The following JPT2 variants were observed in gnomAD, a reference collection of about 807,000 sequenced individuals.
JPT2 encodes the protein CRAMP_1 like.
JPT2 carries 9 observed loss-of-function variants against 15.9 expected under a neutral mutation model. The ratio of observed to expected loss-of-function variants is 0.57; its 90% CI spans 0.34 to 0.99. JPT2 has a LOEUF of 0.99. Among genes scored for constraint, JPT2 ranks in the 50% least tolerant of loss-of-function variants. The pLI is 0.02. For missense variants in JPT2, 267 were observed against 252.1 expected (o/e 1.06, Z -0.40); for synonymous variants, 95 against 91.7 (o/e 1.04, Z -0.21).
intron 1 of JPT2, among the ~76,000 whole-genome samples, chr16:1,683,957 T>C (rs1241935744): frequency 6.6e-6 from 1 of 152,198 alleles, no homozygotes; most frequent in Non-Finnish European, 1.5e-5. Flanking sequence ...GTCCTTGATA[T>C]AAAGTGGTGT....
chr16:1,691,745 G>C (rs1217793035), intron 2 of JPT2, 98 bp from the exon 3 acceptor site: 1 of 1,410,588 alleles, frequency 7.1e-7, no homozygotes, highest in African/African-American at 1.6e-5. Context: ...GGCACTCGGG[G>C]TTCCTATGAG....
intron 3 of JPT2, 103 bp from the exon 4 acceptor site, chr16:1,697,709 T>G: frequency 9.3e-7 from 1 of 1,077,736 alleles, no homozygotes; most frequent in Non-Finnish European, 1.4e-6. Context: ...ATACAAGCAT[T>G]TTTGTAAATT....
intron 1 of JPT2, chr16:1,680,427 T>C (rs1361178354): frequency 2.0e-5 from 24 of 1,195,108 alleles, no homozygotes; most frequent in Non-Finnish European, 2.5e-5. Flanking sequence ...CTGGACAAGG[T>C]GTTGAGAAAG....
At chr16:1,697,752 A>G (rs1281803293) in intron 3 of JPT2, 60 bp from the exon 4 acceptor site, 2 of 1,523,472 alleles carry the variant, frequency 1.3e-6, no homozygotes, top group African/African-American at 1.4e-5. Context: ...TTCATTGTCC[A>G]TTTGAATGAG....
chr16:1,688,197 C>T (rs2037081326), intron 2 of JPT2, among the ~76,000 whole-genome samples: 1 of 152,208 alleles, frequency 6.6e-6, no homozygotes, highest in African/African-American at 2.4e-5. Flanking sequence ...GCTCCTTTCA[C>T]AGAGGAGGAA....
chr16:1,685,734 G>A, intron 2 of JPT2, 147 bp downstream of exon 2: 2 of 844,384 alleles, frequency 2.4e-6, no homozygotes, highest in Non-Finnish European at 3.5e-6. Context: ...AAAACGTTCT[G>A]ATTTGTACTT....
chr16:1,694,001 C>T (rs1428002335), intron 3 of JPT2, among the ~76,000 whole-genome samples: 9 of 152,012 alleles, frequency 5.9e-5, no homozygotes, highest in East Asian at 1.9e-4. Flanking sequence ...GCTGGAGGAC[C>T]GGCTCGTCAC....
chr16:1,695,500 T>C (rs921879002), intron 3 of JPT2, among the ~76,000 whole-genome samples: 3 of 151,224 alleles, frequency 2.0e-5, no homozygotes, highest in Non-Finnish European at 4.4e-5. Flanking sequence ...TGAGCCCAGT[T>C]GTTCAAGGCT....
intron 3 of JPT2, among the ~76,000 whole-genome samples, chr16:1,696,290 A>G (rs1014562103): frequency 6.6e-6 from 1 of 152,022 alleles, no homozygotes; most frequent in Non-Finnish European, 1.5e-5. Context: ...AATCCCAGCA[A>G]TTTGGGAGGC....
intron 3 of JPT2, chr16:1,692,340 G>A (rs2037109998): frequency 3.7e-6 from 1 of 268,308 alleles, no homozygotes; most frequent in Non-Finnish European, 7.2e-6. Flanking sequence ...CACTCTTCCT[G>A]TTTCACCTTG....
intron 1 of JPT2, among the ~76,000 whole-genome samples, chr16:1,684,982 A>T (rs1477442808): frequency 6.6e-6 from 1 of 152,110 alleles, no homozygotes; most frequent in Non-Finnish European, 1.5e-5. Flanking sequence ...TCTGTAAACT[A>T]GTCATACCAG....
At chr16:1,695,162 T>C (rs1244288583) in intron 3 of JPT2, among the ~76,000 whole-genome samples, 3 of 152,130 alleles carry the variant, frequency 2.0e-5, no homozygotes, top group Admixed American at 2.0e-4. Flanking sequence ...TCCCAGCACC[T>C]TGGGAGGCCG....
chr16:1,691,640 C>G (rs1032450207), intron 2 of JPT2, among the ~76,000 whole-genome samples: 1 of 152,146 alleles, frequency 6.6e-6, no homozygotes, highest in Non-Finnish European at 1.5e-5. Context: ...GGGCTGCAGG[C>G]AGGCCCCTGA....
In JPT2 at chr16:1,685,293, G is replaced by T. The variant is rs144189302; in HGVS notation, c.45-146G>T. On this transcript the variant is annotated intron_variant, in intron 1 of 4. Coordinates refer to ENST00000248098, the MANE Select transcript of JPT2 (RefSeq NM_144570.3). ...CAGTGAGCCAAAATCACGTCACTGC[G>T]CTCCAGCCTGGGTGACAGAATGAGA... The T allele has an allele frequency of 6.8e-5, 55 of 810,814 alleles. 1 individual carries two copies. Among genetic ancestry groups the T allele is most frequent in the Non-Finnish European group, 9.4e-5 (50 of 530,122 alleles). 50.2% of individuals were successfully genotyped at this position (810,814 alleles called of 1,614,324 possible).
At position 1,698,836 on chromosome 16, in the gene JPT2, A is replaced by G; in HGVS notation, c.411A>G (p.Ala137=). Residue 137 remains alanine (A), a synonymous_variant, in exon 5 of 5, where the codon GCA becomes GCG. Transcript: ENST00000248098. This position sits in a 1 kb window ranked among gnomAD's most constrained non-coding sequence, Gnocchi z 4.9. ...CTGCAAGGAGCATCCCGGCTGGAGCAGAGCCAGGTGAGAAAGGCAGCGCCA... is the reference window on the plus strand; with the variant it reads ...CTGCAAGGAGCATCCCGGCTGGAGCGGAGCCAGGTGAGAAAGGCAGCGCCA... ...LKAARSIPAG[A]EPGEKGSARK... 6.2e-7 allele frequency: 1 copy of G among 1,613,794 alleles called. No individual in the cohort carries two copies. Among genetic ancestry groups the G allele is most frequent in the Non-Finnish European group, 8.5e-7 (1 of 1,179,910 alleles).
rs2037179198 is a variant in JPT2, at chr16:1,701,394, C to G, written c.*2396C>G. On this transcript the variant is annotated 3_prime_UTR_variant, in exon 5 of 5. Coordinates refer to ENST00000248098, the MANE Select transcript of JPT2 (RefSeq NM_144570.3). ...TTTTACAAGGCAGAATGGGGTGTAA[C>G]AGTTGAATTAAACTTAGCAATCACG... 1 of 152,434 alleles carries G rather than the reference C, an allele frequency of 6.6e-6. No individual in the cohort carries two copies. 9.4% of individuals were successfully genotyped at this position (152,434 alleles called of 1,614,324 possible). A position where few individuals can be genotyped will look rare whatever the true frequency, so the allele number is the denominator to read the frequency against.
chr16:1,678,729 T>C (rs950493300), intron 1 of JPT2, among the ~76,000 whole-genome samples: 1 of 150,332 alleles, frequency 6.7e-6, no homozygotes, highest in African/African-American at 2.5e-5. Flanking sequence ...TGCCCGTGGG[T>C]GCGGCCCATT....
intron 3 of JPT2, among the ~76,000 whole-genome samples, chr16:1,695,045 T>G (rs1596509391): frequency 6.6e-6 from 1 of 152,188 alleles, no homozygotes; most frequent in African/African-American, 2.4e-5. Context: ...GAGAATCACT[T>G]GAGCCCAGGA....
chr16:1,702,425 G>A (rs551662741), downstream of JPT2: 8 of 308,748 alleles, frequency 2.6e-5, no homozygotes, highest in South Asian at 1.1e-4. Context: ...CAGCTCCTCC[G>A]TCTCCAGAGG....
Sources: allele counts gnomAD v4.1 joint callset (sites outside exome capture counted in the v4.1 genomes callset), GRCh38; gene constraint gnomAD v4.1.1; non-coding constraint Gnocchi (gnomAD v3.1); transcripts MANE v1.5; gene names NCBI Gene and HGNC (gene_info 2026-07-23, HGNC 2026-07-21).